ADAMTS10: variants seen among roughly 807,000 people sequenced by gnomAD.
The protein encoded by ADAMTS10 is A disintegrin and metalloproteinase with thrombospondin motifs 10.
A neutral mutation model predicts 135.9 loss-of-function variants in ADAMTS10; 48 were observed. That is an observed-to-expected ratio of 0.35 (90% confidence interval 0.28 to 0.45). ADAMTS10 has a LOEUF of 0.45. ADAMTS10 is among the 20% of genes least tolerant of loss of function. The probability of loss-of-function intolerance (pLI) is 1.00; values close to 1 mark genes in which losing one functional copy is unlikely to be tolerated. For synonymous variants in ADAMTS10, 621 were observed against 647.5 expected (o/e 0.96, Z 0.62); for missense variants, 1,131 against 1,565.2 (o/e 0.72, Z 4.68).
Position 8,586,659 on chromosome 19 carries a change from G to A in ADAMTS10, c.2302C>T (p.Arg768Cys), listed in dbSNP as rs782499173. ...EGLPGTPQPHRLPLAGTTFQL... is the reference protein window; with the variant it reads ...EGLPGTPQPHCLPLAGTTFQL... Reference sequence around the variant, plus strand: ...AAGGTGGTCCCAGCTAGAGGCAGACGGTGGGGCTGGGGGGTCCCAGGCAGC... The same window carrying A: ...AAGGTGGTCCCAGCTAGAGGCAGACAGTGGGGCTGGGGGGTCCCAGGCAGC... Residue 768 changes from arginine (R) to cysteine (C), a missense_variant, in exon 20 of 26, where the codon CGT becomes TGT. Physicochemically the swap from Arg to Cys is radical, Grantham distance 180 (BLOSUM62 -3). Around this residue, in one of 3 missense-constraint regions of ADAMTS10, gnomAD observed 745 missense variants for 1,056.3 expected, o/e 0.71. Transcript: ENST00000597188. The A allele has an allele frequency of 9.3e-6, 15 of 1,614,018 alleles. No homozygotes were observed. The highest frequency in any genetic ancestry group is 2.2e-5 in the East Asian group (1 of 44,876).
At chr19:8,584,413 G>C (rs2042395396) in intron 25 of ADAMTS10, among the ~76,000 whole-genome samples, 1 of 151,926 alleles carries the variant, frequency 6.6e-6, no homozygotes. Context: ...TTGGGAGGCT[G>C]AGGTGGGAGG....
chr19:8,586,463 G>C lies in ADAMTS10; in HGVS notation c.2411C>G (p.Ala804Gly). 1 of 1,613,620 alleles carries C rather than the reference G, an allele frequency of 6.2e-7. No homozygotes were observed. The highest frequency in any genetic ancestry group is 8.5e-7 in the Non-Finnish European group (1 of 1,180,006). Residue 804 changes from alanine (A) to glycine (G), a missense_variant, in exon 21 of 26, where the codon GCC (alanine) becomes GGC (glycine). By Grantham distance (60) the Ala-to-Gly change is moderately conservative. Coordinates refer to ENST00000597188, the MANE Select transcript of ADAMTS10 (RefSeq NM_030957.4). ...INASLIVMVLARTELPALRYR... is the reference protein window; with the variant it reads ...INASLIVMVLGRTELPALRYR... ...GCGGAGGGCAGGCAGCTCGGTCCGGGCCAGCACCTGGAGAAAGGGGGCGGC... is the reference window on the plus strand; with the variant it reads ...GCGGAGGGCAGGCAGCTCGGTCCGGCCCAGCACCTGGAGAAAGGGGGCGGC...
Position 8,596,946 on chromosome 19 carries a change from G to T in ADAMTS10, c.1040+41C>A, listed in dbSNP as rs782080755. 1.9e-6 allele frequency: 3 copies of T among 1,607,826 alleles called. No homozygotes were observed. The highest frequency in any genetic ancestry group is 1.1e-5 in the South Asian group (1 of 91,040). The stretch of plus-strand genomic sequence containing the variant: ...ACTCTCATGGTTCCCTGGACCATCT[G>T]TTTTCTCAGCCCCAGTCCTAGACCT... On this transcript the variant is annotated intron_variant, in intron 8 of 25. Transcript: ENST00000597188. This position sits in a 1 kb window ranked among gnomAD's most constrained non-coding sequence, Gnocchi z 7.2.
At position 8,595,646 on chromosome 19, in the gene ADAMTS10, C is replaced by T. The variant is rs1418095343; in HGVS notation, c.1479+116G>A. The T allele has an allele frequency of 3.3e-6, 5 of 1,526,040 alleles. No individual in the cohort carries two copies. In the Admixed American group the frequency reaches 6.8e-5, roughly 21 times the overall value. The allele number at this position is 1,526,040 out of a possible 1,614,324, so 94.5% of individuals were successfully genotyped here. On this transcript the variant is annotated intron_variant, in intron 12 of 25. Coordinates refer to ENST00000597188, the MANE Select transcript of ADAMTS10 (RefSeq NM_030957.4). Reference sequence around the variant, plus strand: ...TCACCATGGGGGCTCACCTCACCCCCCTTCCCGGTTCTCCCACCCCCTCAC... The same window carrying T: ...TCACCATGGGGGCTCACCTCACCCCTCTTCCCGGTTCTCCCACCCCCTCAC...
At chr19:8,582,479 AC>A (rs572466759) in intron 25 of ADAMTS10, 28 of 152,356 alleles carry the variant, frequency 1.8e-4, no homozygotes, top group African/African-American at 6.7e-4. Flanking sequence ...ACAAAGCAAA[AC>A]AAAAACAAAC....
intron 4 of ADAMTS10, 31 bp downstream of exon 4, chr19:8,604,981 T>C: frequency 6.4e-7 from 1 of 1,561,660 alleles, no homozygotes; most frequent in Non-Finnish European, 8.7e-7. Flanking sequence ...TTATGGGCAT[T>C]TCCCCCCGCG....
chr19:8,592,904 C>T (rs1555739505), intron 12 of ADAMTS10, 34 bp from the exon 13 acceptor site: 6 of 1,581,474 alleles, frequency 3.8e-6, no homozygotes, highest in South Asian at 1.1e-5. Context: ...GGCTCGCCCC[C>T]CTCCCTTCCT....
chr19:8,595,592 C>T, intron 12 of ADAMTS10, 170 bp downstream of exon 12: 2 of 1,027,148 alleles, frequency 1.9e-6, no homozygotes, highest in Non-Finnish European at 2.9e-6. Context: ...GGACATTTTG[C>T]ACACTCCATG....
rs188533976 is a variant in ADAMTS10 at position 8,603,331 on chromosome 19, A to G, written c.592+397T>C. On this transcript the variant is annotated intron_variant, in intron 5 of 25. Transcript: ENST00000597188. Reference sequence around the variant, plus strand: ...GCTGTGTCGCCCAGGCTGGGGTGCAATGGCGTGATCTCTGCTCACTGCAAC... The same window carrying G: ...GCTGTGTCGCCCAGGCTGGGGTGCAGTGGCGTGATCTCTGCTCACTGCAAC... 9.9e-5 allele frequency among the ~76,000 whole-genome samples: 15 copies of G among 152,096 alleles called. 1 individual carries two copies. The highest frequency in any genetic ancestry group is 3.4e-4 in the African/African-American group (14 of 41,508).
intron 1 of ADAMTS10, among the ~76,000 whole-genome samples, chr19:8,609,662 C>T (rs1431157355): frequency 2.0e-5 from 3 of 152,096 alleles, no homozygotes; most frequent in African/African-American, 7.2e-5. Flanking sequence ...CCCCCACAAC[C>T]GGCCGCTAAT....
intron 18 of ADAMTS10, among the ~76,000 whole-genome samples, chr19:8,588,303 C>T (rs2042467484): frequency 6.6e-6 from 1 of 151,702 alleles, no homozygotes; most frequent in South Asian, 2.1e-4. Flanking sequence ...CCAGGCTGGT[C>T]TCAAACTCCT....
rs1555740309 is a variant in ADAMTS10 at position 8,596,599 on chromosome 19, C to CA, written c.1041-15dup. 2 of 1,612,372 alleles carry CA rather than the reference C, an allele frequency of 1.2e-6. No individual in the cohort carries two copies. ...CAGATGTCATAGCTGTAAAAGGAGA[C>CA]AGGGTCAGTGAGGGGGCTGGGCTGT... On this transcript the variant is annotated splice_polypyrimidine_tract_variant and intron_variant, in intron 8 of 25. Coordinates refer to ENST00000597188, the MANE Select transcript of ADAMTS10 (RefSeq NM_030957.4). The surrounding 1 kb of genome is among the most constrained non-coding windows in gnomAD (Gnocchi z 7.2).
chr19:8,591,562 C>A (rs1361926542), intron 15 of ADAMTS10, among the ~76,000 whole-genome samples: 1 of 151,940 alleles, frequency 6.6e-6, no homozygotes, highest in Non-Finnish European at 1.5e-5. Context: ...CTGCCTCAGC[C>A]TCCCGAGTAG....
At chr19:8,594,207 A>G (rs1306632618) in intron 12 of ADAMTS10, among the ~76,000 whole-genome samples, 2 of 152,158 alleles carry the variant, frequency 1.3e-5, no homozygotes, top group African/African-American at 4.8e-5. Flanking sequence ...CAGAGACCTC[A>G]ATTCTGCTAC....
At chr19:8,583,288 C>A (rs2042378151) in intron 25 of ADAMTS10, among the ~76,000 whole-genome samples, 1 of 152,106 alleles carries the variant, frequency 6.6e-6, no homozygotes, top group Admixed American at 6.5e-5. Context: ...TGCCTGTAAT[C>A]CCAGCACTTT....
At chr19:8,589,694 G>T in intron 16 of ADAMTS10, 109 bp from the exon 17 acceptor site, 1 of 1,538,622 alleles carries the variant, frequency 6.5e-7, no homozygotes, top group Admixed American at 1.9e-5. Flanking sequence ...CAAGAGGAAG[G>T]GCAGCTTGGG....
intron 1 of ADAMTS10, among the ~76,000 whole-genome samples, chr19:8,609,151 CATGT>C (rs1259755116): frequency 6.9e-6 from 1 of 145,640 alleles, no homozygotes; most frequent in East Asian, 2.0e-4. Flanking sequence ...TACATTACAG[CATGT>C]ATGTGAGTGT....
chr19:8,592,815 C>G lies in ADAMTS10; in HGVS notation c.1535G>C (p.Ser512Thr). The stretch of plus-strand genomic sequence containing the variant: ...CAGCGTGCCCTCGGCGGCCGGGATG[C>G]TGTTGGTGATGCACCGGTTGCTCTT... The part of the protein sequence containing the change: ...LSKSNRCITN[S>T]IPAAEGTLCQ... Residue 512 changes from serine to threonine, a missense_variant, in exon 13 of 26, where the codon AGC becomes ACC. Around this residue, in one of 3 missense-constraint regions of ADAMTS10, gnomAD observed 745 missense variants for 1,056.3 expected, o/e 0.71. Transcript: ENST00000597188. The G allele has an allele frequency of 1.2e-6, 2 of 1,613,066 alleles. No individual in the cohort carries two copies. The highest frequency in any genetic ancestry group is 2.2e-5 in the South Asian group (2 of 91,086).
Position 8,589,234 on chromosome 19 carries a change from ACT to A in ADAMTS10, c.2158+6_2158+7del, listed in dbSNP as rs1239939926. The A allele has an allele frequency of 1.4e-5, 22 of 1,611,626 alleles. No homozygotes were observed. The highest frequency in any genetic ancestry group is 1.8e-5 in the Non-Finnish European group (21 of 1,179,768). On this transcript the variant is annotated splice_donor_region_variant and intron_variant, in intron 18 of 25. Transcript: ENST00000597188. ...AGGGAGTGTGGGAGGGAAGCTGGAG[ACT>A]CTCACCGGCCCCAGGTGAGGCTGGG...
Sources: allele counts gnomAD v4.1 joint callset (sites outside exome capture counted in the v4.1 genomes callset), GRCh38; gene constraint gnomAD v4.1.1; regional missense constraint gnomAD v4.1.1; non-coding constraint Gnocchi (gnomAD v3.1); transcripts MANE v1.5; gene names NCBI Gene and HGNC (gene_info 2026-07-23, HGNC 2026-07-21).